UNC13C: variants seen among roughly 807,000 people sequenced by gnomAD.
The protein encoded by UNC13C is unc-13 homolog C.
A neutral mutation model predicts 245.4 loss-of-function variants in UNC13C; 174 were observed. That is an observed-to-expected ratio of 0.71 (90% CI 0.63 to 0.80). The LOEUF (loss-of-function observed/expected upper bound fraction) is 0.80, where lower values mean the gene tolerates loss of function less well. UNC13C is among the 30% of genes least tolerant of loss of function. The pLI is 0.00. For missense variants in UNC13C, 2,829 were observed against 2,602.9 expected (o/e 1.09, Z -1.89); for synonymous variants, 992 against 895.1 (o/e 1.11, Z -1.93).
At chr15:54,262,173 A>G (rs909870219) in intron 8 of UNC13C, among the ~76,000 whole-genome samples, 2 of 152,202 alleles carry the variant, frequency 1.3e-5, no homozygotes, top group African/African-American at 4.8e-5. Flanking sequence ...TATTGTGTGC[A>G]TGGTAGTTAG....
chr15:53,875,189 A>G, the UNC13C span, among the ~76,000 whole-genome samples: 2 of 152,160 alleles, frequency 1.3e-5, no homozygotes, highest in African/African-American at 4.8e-5. Flanking sequence ...TTATATGGCA[A>G]TTTCAATTTA....
chr15:54,598,799 T>C (rs1278356884), intron 30 of UNC13C, among the ~76,000 whole-genome samples: 1 of 152,172 alleles, frequency 6.6e-6, no homozygotes, highest in Non-Finnish European at 1.5e-5. Flanking sequence ...AAAACATTCA[T>C]GCACTTGTCA....
At position 54,555,459 on chromosome 15, in the gene UNC13C, G is replaced by A; in HGVS notation, c.5905G>A (p.Gly1969Ser). 2.5e-6 allele frequency: 4 copies of A among 1,612,174 alleles called. No individual in the cohort carries two copies. Among genetic ancestry groups the A allele is most frequent in the Non-Finnish European group, 3.4e-6 (4 of 1,178,980 alleles). ...KEHMIREDAR[G>S]LTPRQCAIME... is the part of the protein sequence containing the mutation. The stretch of plus-strand genomic sequence containing the variant: ...GCACATGATTCGAGAGGATGCCAGG[G>A]GTCTGACGCCAAGACAATGCGCTAT... The change falls in exon 29 of 33, where the codon GGT becomes AGT. Residue 1969 changes from glycine to serine, a missense_variant. Coordinates refer to ENST00000260323, the MANE Select transcript of UNC13C (RefSeq NM_001080534.3).
At chr15:53,982,085 A>C (rs1013096502) in intron 1 of UNC13C, among the ~76,000 whole-genome samples, 1 of 152,166 alleles carries the variant, frequency 6.6e-6, no homozygotes, top group Non-Finnish European at 1.5e-5. Context: ...GAGATTTCGA[A>C]GTATTTTTAA....
chr15:54,438,781 G>A (rs1890362987), intron 19 of UNC13C, among the ~76,000 whole-genome samples: 2 of 151,748 alleles, frequency 1.3e-5, no homozygotes, highest in South Asian at 4.1e-4. Flanking sequence ...TCTTTCTCCT[G>A]TATATCCTAT....
intron 2 of UNC13C, among the ~76,000 whole-genome samples, chr15:54,016,651 T>G (rs1895674688): frequency 6.6e-6 from 1 of 152,228 alleles, no homozygotes; most frequent in Non-Finnish European, 1.5e-5. Context: ...TTGGATTATA[T>G]ACTTTTGGAA....
chr15:54,623,661 G>A, intron 31 of UNC13C, 134 bp from the exon 32 acceptor site: 1 of 754,066 alleles, frequency 1.3e-6, no homozygotes, highest in South Asian at 2.0e-5. Flanking sequence ...GTATTTTATT[G>A]TCTTGGAGTA....
intron 26 of UNC13C, among the ~76,000 whole-genome samples, chr15:54,533,746 C>T (rs1895862895): frequency 6.6e-6 from 1 of 152,066 alleles, no homozygotes. Context: ...TGTTCTGTTC[C>T]TACTCTTAGA....
chr15:54,320,301 G>A (rs1240145598), intron 13 of UNC13C, among the ~76,000 whole-genome samples: 1 of 151,910 alleles, frequency 6.6e-6, no homozygotes, highest in African/African-American at 2.4e-5. Context: ...GCTTTCCGAT[G>A]GTGCTAAATT....
At chr15:53,884,465 C>G in the UNC13C span, among the ~76,000 whole-genome samples, 1 of 152,242 alleles carries the variant, frequency 6.6e-6, no homozygotes, top group East Asian at 1.9e-4. Context: ...GTAGCTGAGA[C>G]TACTGGTGCA....
At chr15:54,482,146 T>C (rs1241550404) in intron 19 of UNC13C, among the ~76,000 whole-genome samples, 1 of 152,108 alleles carries the variant, frequency 6.6e-6, no homozygotes, top group East Asian at 1.9e-4. Context: ...GCTAGAGTAG[T>C]GGAAACTCAG....
the UNC13C span, among the ~76,000 whole-genome samples, chr15:53,923,412 C>T: frequency 2.0e-5 from 3 of 152,244 alleles, no homozygotes; most frequent in Admixed American, 1.3e-4. Flanking sequence ...GTAGACAGAA[C>T]AATTTACAGA....
intron 6 of UNC13C, 188 bp from the exon 7 acceptor site, chr15:54,237,431 T>C (rs7162346): frequency 0.44 from 300,772 of 685,092 alleles, 69,725 homozygotes; most frequent in African/African-American, 0.69. Flanking sequence ...AGTTGTGGGA[T>C]CGTTCCAGTT....
intron 30 of UNC13C, among the ~76,000 whole-genome samples, chr15:54,602,875 A>G (rs1899518511): frequency 1.1e-4 from 1 of 9,294 alleles, no homozygotes; most frequent in South Asian, 3.2e-3. Flanking sequence ...TGTCTTTTAA[A>G]GTCCCTTTCA....
intron 18 of UNC13C, among the ~76,000 whole-genome samples, chr15:54,408,609 G>A (rs1187182576): frequency 6.6e-6 from 1 of 152,006 alleles, no homozygotes; most frequent in Non-Finnish European, 1.5e-5. Context: ...TTCACAGGCT[G>A]TATGAAGTAG....
At chr15:53,927,089 C>T in the UNC13C span, among the ~76,000 whole-genome samples, 3 of 152,204 alleles carry the variant, frequency 2.0e-5, no homozygotes, top group East Asian at 5.8e-4. Context: ...TAAATGTTAA[C>T]TCATTTCATC....
chr15:54,025,147 T>A (rs555362808), intron 2 of UNC13C, among the ~76,000 whole-genome samples: 55 of 152,306 alleles, frequency 3.6e-4, no homozygotes, highest in African/African-American at 1.3e-3. Flanking sequence ...TTATTTAGAA[T>A]AAGTATGTCT....
chr15:54,553,281 A>ATTATATATTGTATTCTATATTACAAT (rs1288326220), intron 28 of UNC13C, among the ~76,000 whole-genome samples: 2 of 101,156 alleles, frequency 2.0e-5, no homozygotes, highest in African/African-American at 8.9e-5. Flanking sequence ...TACAATATAG[A>ATTATATATTGTATTCTATATTACAAT]ATATTATATA....
intron 8 of UNC13C, among the ~76,000 whole-genome samples, chr15:54,259,354 G>T (rs937823621): frequency 2.6e-5 from 4 of 152,244 alleles, no homozygotes; most frequent in Non-Finnish European, 5.9e-5. Flanking sequence ...ATAAAGAAAA[G>T]AGGTTTAATG....
Sources: allele counts gnomAD v4.1 joint callset (sites outside exome capture counted in the v4.1 genomes callset), GRCh38; gene constraint gnomAD v4.1.1; transcripts MANE v1.5; gene names NCBI Gene and HGNC (gene_info 2026-07-23, HGNC 2026-07-21).